The following CYB5D2 variants were observed in gnomAD, a reference collection of about 807,000 sequenced individuals.
CYB5D2 encodes cytochrome b5 domain containing 2.
CYB5D2 carries 23 observed loss-of-function variants against 22.8 expected under a neutral mutation model. The ratio of observed to expected loss-of-function variants is 1.01; its 90% CI spans 0.73 to 1.43. The LOEUF (loss-of-function observed/expected upper bound fraction) is 1.43, where lower values mean the gene tolerates loss of function less well. CYB5D2 is among the 40% of genes most tolerant of loss of function. The pLI is 0.00. For synonymous variants in CYB5D2, 170 were observed against 152.2 expected, an observed-to-expected ratio of 1.12 and a Z score of -0.86; for missense variants, 373 against 357.2, an observed-to-expected ratio of 1.04 and a Z score of -0.36.
chr17:4,155,332 C>T lies in CYB5D2; in HGVS notation c.578+472C>T, dbSNP rs140706625. Reference sequence around the variant, plus strand: ...ACTGCTGTCTTAAAAACAGGTGAGGCGGGCATGGTGGCTTGTGGGCCACAC... The same window carrying T: ...ACTGCTGTCTTAAAAACAGGTGAGGTGGGCATGGTGGCTTGTGGGCCACAC... On this transcript the variant is annotated intron_variant, in intron 3 of 3. Coordinates refer to ENST00000301391, the MANE Select transcript of CYB5D2 (RefSeq NM_144611.4). Among the ~76,000 whole-genome samples the T allele has an allele frequency of 3.4e-4, 52 of 152,144 alleles. 1 individual carries two copies. In the East Asian group the frequency reaches 9.5e-3, roughly 28 times the overall value.
Position 4,144,007 on chromosome 17 carries a change from T to A in CYB5D2, c.250+2T>A. The A allele has an allele frequency of 6.9e-6, 11 of 1,594,460 alleles. No homozygotes were observed. The highest frequency in any genetic ancestry group is 9.4e-6 in the Non-Finnish European group (11 of 1,169,958). ...GGTCCCACTATAGCGGCTTCGCAGG[T>A]ATCAGCGAGGCTGCTCACGCCTTTC... On this transcript the variant is annotated splice_donor_variant, in intron 1 of 3. Coordinates refer to ENST00000301391, the MANE Select transcript of CYB5D2 (RefSeq NM_144611.4). LOFTEE classifies it high-confidence loss of function.
chr17:4,150,138 T>C (rs2142993968), intron 2 of CYB5D2, 107 bp downstream of exon 2: 1 of 1,410,274 alleles, frequency 7.1e-7, no homozygotes, highest in East Asian at 2.3e-5. Context: ...AAAACAGCCA[T>C]GGATTTGTTT....
At chr17:4,144,961 A>T (rs918506646) in intron 1 of CYB5D2, among the ~76,000 whole-genome samples, 4 of 151,830 alleles carry the variant, frequency 2.6e-5, no homozygotes, top group Admixed American at 6.6e-5. Context: ...TAATTTGTTG[A>T]ATTTTTAGTA....
chr17:4,145,330 G>T (rs1175521272), intron 1 of CYB5D2, among the ~76,000 whole-genome samples: 1 of 152,204 alleles, frequency 6.6e-6, no homozygotes, highest in African/African-American at 2.4e-5. Flanking sequence ...AAGGAATGAA[G>T]TCCAGTTGGT....
At chr17:4,154,960 C>A (rs987998009) in intron 3 of CYB5D2, 100 bp downstream of exon 3, 45 of 1,275,874 alleles carry the variant, frequency 3.5e-5, no homozygotes, top group South Asian at 4.7e-5. Context: ...TGATTGTTAA[C>A]CCTGGGGAGC....
At position 4,143,917 on chromosome 17, in the gene CYB5D2, C is replaced by G. The variant is rs201650288; in HGVS notation, c.162C>G (p.Gly54=). ...SRYRGGPGDP[G]LYLALLGRVY... is the part of the protein sequence containing the mutation. ...ACCGCGGCGGCCCAGGGGACCCGGGCCTGTACTTGGCGTTGCTCGGCCGTG... is the reference window on the plus strand; with the variant it reads ...ACCGCGGCGGCCCAGGGGACCCGGGGCTGTACTTGGCGTTGCTCGGCCGTG... The change falls in exon 1 of 4, where the codon GGC becomes GGG. Residue 54 remains glycine, a synonymous_variant. Transcript: ENST00000301391. 6.2e-7 allele frequency: 1 copy of G among 1,613,694 alleles called. No homozygotes were observed. Among genetic ancestry groups the G allele is most frequent in the East Asian group, 2.2e-5 (1 of 44,882 alleles).
At chr17:4,152,019 A>G (rs544415140) in intron 2 of CYB5D2, among the ~76,000 whole-genome samples, 101 of 152,242 alleles carry the variant, frequency 6.6e-4, no homozygotes, top group Non-Finnish European at 8.8e-4. Context: ...AAAAAAAAAA[A>G]AAGAACAGAG....
At chr17:4,145,436 T>C (rs2058978976) in intron 1 of CYB5D2, among the ~76,000 whole-genome samples, 1 of 152,184 alleles carries the variant, frequency 6.6e-6, no homozygotes, top group Non-Finnish European at 1.5e-5. Flanking sequence ...TCAAGGTGTT[T>C]TGTCGCTGCT....
In CYB5D2 at chr17:4,154,727, A is replaced by T; in HGVS notation, c.445A>T (p.Thr149Ser). Reference protein sequence around the residue: ...GEDGLPTPALTQVEAAITRGL... With the variant: ...GEDGLPTPALSQVEAAITRGL... ...GGATGGGCTGCCCACCCCGGCACTG[A>T]CCCAGGTAGAAGCTGCGATCACCAG... Residue 149 changes from threonine to serine, a missense_variant, in exon 3 of 4, where the codon ACC becomes TCC. By Grantham distance (58) the Thr-to-Ser change is moderately conservative (BLOSUM62 1). Coordinates refer to ENST00000301391, the MANE Select transcript of CYB5D2 (RefSeq NM_144611.4). 1 of 1,614,180 alleles carries T rather than the reference A, an allele frequency of 6.2e-7. No homozygotes were observed. Among genetic ancestry groups the T allele is most frequent in the Non-Finnish European group, 8.5e-7 (1 of 1,180,022 alleles).
In CYB5D2 at chr17:4,143,622, G is replaced by A. The variant is rs2058920445; in HGVS notation, c.-134G>A. On this transcript the variant is annotated 5_prime_UTR_variant, in exon 1 of 4. Transcript: ENST00000301391. ...GATAAAACGAGAGAGACTAAGGGAG[G>A]GAGCGCGAGCACTAGCGCGCGAGAG... 5 of 1,275,298 alleles carry A rather than the reference G, an allele frequency of 3.9e-6. No homozygotes were observed. Among genetic ancestry groups the A allele is most frequent in the Non-Finnish European group, 5.4e-6 (5 of 923,480 alleles). 79.0% of individuals were successfully genotyped at this position (1,275,298 alleles called of 1,614,324 possible).
At chr17:4,155,000 C>A in intron 3 of CYB5D2, 140 bp downstream of exon 3, 1 of 949,948 alleles carries the variant, frequency 1.1e-6, no homozygotes, top group Non-Finnish European at 1.5e-6. Flanking sequence ...TAATTCTCAA[C>A]TTTGGCTGCA....
chr17:4,146,151 G>A (rs186609624), intron 1 of CYB5D2, among the ~76,000 whole-genome samples: 31 of 151,636 alleles, frequency 2.0e-4, no homozygotes, highest in Non-Finnish European at 2.1e-4. Flanking sequence ...GCTGGAGTGC[G>A]GTGGCGCAAT....
In CYB5D2 at chr17:4,154,769, A is replaced by G. The variant is rs927533415; in HGVS notation, c.487A>G (p.Lys163Glu). The G allele has an allele frequency of 4.3e-6, 7 of 1,614,068 alleles. No individual in the cohort carries two copies. The highest frequency in any genetic ancestry group is 5.9e-6 in the Non-Finnish European group (7 of 1,180,052). The change falls in exon 3 of 4, where the codon AAA (lysine) becomes GAA (glutamate). Residue 163 changes from lysine (K) to glutamate (E), a missense_variant. Physicochemically the swap from Lys to Glu is moderately conservative, Grantham distance 56. Transcript: ENST00000301391. Reference sequence around the variant, plus strand: ...GATCACCAGAGGCTTGGAGGCCAACAAACTACAGCTGCAAGAGAAGCAGAC... The same window carrying G: ...GATCACCAGAGGCTTGGAGGCCAACGAACTACAGCTGCAAGAGAAGCAGAC... ...AAITRGLEAN[K>E]LQLQEKQTFP... is the part of the protein sequence containing the mutation.
At chr17:4,146,452 G>A (rs1013294268) in intron 1 of CYB5D2, among the ~76,000 whole-genome samples, 1 of 151,746 alleles carries the variant, frequency 6.6e-6, no homozygotes, top group Admixed American at 6.6e-5. Context: ...GTGCAGTGGC[G>A]CAATCTTGGC....
intron 2 of CYB5D2, among the ~76,000 whole-genome samples, chr17:4,150,468 G>A (rs1356435612): frequency 6.6e-6 from 1 of 152,186 alleles, no homozygotes; most frequent in East Asian, 1.9e-4. Flanking sequence ...TGTCTCCCAG[G>A]TGGTAGTTAT....
chr17:4,153,593 C>G (rs1012189679), intron 2 of CYB5D2, among the ~76,000 whole-genome samples: 14 of 152,252 alleles, frequency 9.2e-5, no homozygotes, highest in Admixed American at 7.8e-4. Flanking sequence ...GGACAGAGAA[C>G]TCTAGGAGGG....
intron 3 of CYB5D2, among the ~76,000 whole-genome samples, chr17:4,156,064 A>G (rs900585690): frequency 6.6e-6 from 1 of 152,212 alleles, no homozygotes. Context: ...TTTGGGTGAC[A>G]GCCTTGTTCT....
Position 4,143,939 on chromosome 17 carries a change from C to CGTGTCTACGAT in CYB5D2, c.190_200dup (p.Ser68ThrfsTer29). ...GGGCCTGTACTTGGCGTTGCTCGGC[C>CGTGTCTACGAT]GTGTCTACGATGTGTCCTCCGGCCG... On this transcript the variant is annotated frameshift_variant, in exon 1 of 4. Coordinates refer to ENST00000301391, the MANE Select transcript of CYB5D2 (RefSeq NM_144611.4). LOFTEE classifies it high-confidence loss of function. The CGTGTCTACGAT allele has an allele frequency of 6.2e-7, 1 of 1,613,514 alleles. No homozygotes were observed. Among genetic ancestry groups the CGTGTCTACGAT allele is most frequent in the Non-Finnish European group, 8.5e-7 (1 of 1,180,004 alleles).
Position 4,143,788 on chromosome 17 carries a change from G to A in CYB5D2, c.33G>A (p.Leu11=), listed in dbSNP as rs1159418995. 2 of 1,614,074 alleles carry A rather than the reference G, an allele frequency of 1.2e-6. No homozygotes were observed. Among genetic ancestry groups the A allele is most frequent in the Middle Eastern group, 1.7e-4 (1 of 6,010 alleles). Reference sequence around the variant, plus strand: ...GGTGCGGAGGCCGTGGGCTTTTGTTGGGCCTGGCTGTAGCCGCAGCAGCGG... The same window carrying A: ...GGTGCGGAGGCCGTGGGCTTTTGTTAGGCCTGGCTGTAGCCGCAGCAGCGG... MLRCGGRGLL[L]GLAVAAAAVM... Residue 11 remains leucine (L), a synonymous_variant, in exon 1 of 4, where the codon TTG becomes TTA. Coordinates refer to ENST00000301391, the MANE Select transcript of CYB5D2 (RefSeq NM_144611.4).
Sources: gnomAD v4.1 joint callset for allele counts (sites outside exome capture counted in the v4.1 genomes callset) on GRCh38, gnomAD v4.1.1 for gene constraint, MANE v1.5 for transcripts, NCBI Gene and HGNC (gene_info 2026-07-23, HGNC 2026-07-21) for gene names.